BLTP3B: variants seen among roughly 807,000 people sequenced by gnomAD.
BLTP3B encodes UHRF1 (ICBP90) binding protein 1-like.
At chr12:100,098,359 C>G in the BLTP3B span, 1 of 1,594,302 alleles carries the variant, frequency 6.3e-7, no homozygotes, top group Non-Finnish European at 8.5e-7. Flanking sequence ...TACCTCTCCT[C>G]TCTGTGGATC....
At chr12:100,072,642 T>A in the BLTP3B span, 1 of 1,450,140 alleles carries the variant, frequency 6.9e-7, no homozygotes, top group South Asian at 1.5e-5. Context: ...TCTCAAATAA[T>A]GGACAAATAA....
chr12:100,052,217 AT>A, the BLTP3B span, among the ~76,000 whole-genome samples: 1 of 151,836 alleles, frequency 6.6e-6, no homozygotes, highest in Admixed American at 6.6e-5. Flanking sequence ...TAATTTTTGT[AT>A]TTTTAGTAAA....
At chr12:100,108,586 A>G in the BLTP3B span, 1 of 1,544,436 alleles carries the variant, frequency 6.5e-7, no homozygotes, top group Non-Finnish European at 8.8e-7. Flanking sequence ...TTTATGTGTC[A>G]GTTACTATAC....
At chr12:100,057,635 G>A in the BLTP3B span, 24 of 1,612,408 alleles carry the variant, frequency 1.5e-5, no homozygotes, top group Non-Finnish European at 2.0e-5. Context: ...CCAATATCAT[G>A]CTGTCAAGTG....
the BLTP3B span, among the ~76,000 whole-genome samples, chr12:100,124,940 A>G: frequency 3.0e-5 from 1 of 33,208 alleles, no homozygotes; most frequent in Admixed American, 2.4e-4. Flanking sequence ...AAAATTTTAT[A>G]TATATATATA....
chr12:100,088,960 G>GGTCGCCGTCTCA, the BLTP3B span: 1 of 1,584,068 alleles, frequency 6.3e-7, no homozygotes, highest in Non-Finnish European at 8.6e-7. Flanking sequence ...AGATCTAGAT[G>GGTCGCCGTCTCA]AGAAATCACT....
chr12:100,052,058 T>A, the BLTP3B span, among the ~76,000 whole-genome samples: 1 of 150,406 alleles, frequency 6.6e-6, no homozygotes, highest in Non-Finnish European at 1.5e-5. Flanking sequence ...AAAAAAAAGA[T>A]TCCCTTTAAA....
the BLTP3B span, among the ~76,000 whole-genome samples, chr12:100,080,854 C>T: frequency 6.9e-6 from 1 of 145,150 alleles, no homozygotes; most frequent in East Asian, 1.9e-4. Flanking sequence ...GCTGTGTCCC[C>T]ACCCAAATTT....
At chr12:100,079,444 C>T in the BLTP3B span, among the ~76,000 whole-genome samples, 3 of 152,130 alleles carry the variant, frequency 2.0e-5, no homozygotes, top group Non-Finnish European at 4.4e-5. Flanking sequence ...GCATTTTGCC[C>T]CTGCCCTAGA....
chr12:100,054,391 T>C, the BLTP3B span, among the ~76,000 whole-genome samples: 1 of 152,164 alleles, frequency 6.6e-6, no homozygotes, highest in Non-Finnish European at 1.5e-5. Context: ...TTTGGTGATT[T>C]TATTCTCCAA....
At chr12:100,095,504 G>A in the BLTP3B span, among the ~76,000 whole-genome samples, 1 of 152,178 alleles carries the variant, frequency 6.6e-6, no homozygotes, top group East Asian at 1.9e-4. Context: ...AGATATGATA[G>A]CTACTACTTA....
chr12:100,131,747 T>C, the BLTP3B span, among the ~76,000 whole-genome samples: 10 of 152,242 alleles, frequency 6.6e-5, no homozygotes. Context: ...AAAAGTCTTT[T>C]ACTTGTAACT....
At chr12:100,079,588 G>A in the BLTP3B span, among the ~76,000 whole-genome samples, 2 of 152,124 alleles carry the variant, frequency 1.3e-5, no homozygotes, top group East Asian at 3.8e-4. Flanking sequence ...GAGTATAAAA[G>A]TTCAAAAAAT....
the BLTP3B span, among the ~76,000 whole-genome samples, chr12:100,131,115 A>G: frequency 6.6e-6 from 1 of 151,474 alleles, no homozygotes; most frequent in Non-Finnish European, 1.5e-5. Context: ...GTTTGAGGTT[A>G]GCCTGGGCAA....
the BLTP3B span, among the ~76,000 whole-genome samples, chr12:100,141,840 T>C: frequency 6.6e-6 from 1 of 151,722 alleles, no homozygotes; most frequent in East Asian, 1.9e-4. Context: ...CGTTATGAAA[T>C]GGAGAGAATG....
the BLTP3B span, among the ~76,000 whole-genome samples, chr12:100,107,984 C>T: frequency 3.3e-5 from 5 of 152,204 alleles, no homozygotes; most frequent in Admixed American, 6.5e-5. Flanking sequence ...TCAAGCAATC[C>T]GCCTACCTCG....
the BLTP3B span, chr12:100,102,693 G>A: frequency 9.6e-7 from 1 of 1,037,992 alleles, no homozygotes; most frequent in Non-Finnish European, 1.4e-6. Context: ...GCCATTTGAG[G>A]TTAAGGCTTT....
chr12:100,125,588 C>T, the BLTP3B span, among the ~76,000 whole-genome samples: 1 of 152,114 alleles, frequency 6.6e-6, no homozygotes, highest in Non-Finnish European at 1.5e-5. Context: ...GTCAAGGCTG[C>T]AGTGAGCTGT....
chr12:100,140,704 C>CAAAAAAAA, the BLTP3B span, among the ~76,000 whole-genome samples: 10 of 33,778 alleles, frequency 3.0e-4, no homozygotes, highest in Admixed American at 5.5e-4. Flanking sequence ...GACTCTGTCT[C>CAAAAAAAA]AAAAAAAAAA....
Sources: allele counts gnomAD v4.1 joint callset (sites outside exome capture counted in the v4.1 genomes callset), GRCh38; gene constraint gnomAD v4.1.1; transcripts MANE v1.5; gene names NCBI Gene and HGNC (gene_info 2026-07-23, HGNC 2026-07-21).